PRR16: variants seen among roughly 807,000 people sequenced by gnomAD.
PRR16 encodes protein Largen.
A neutral mutation model predicts 18.2 loss-of-function variants in PRR16; 6 were observed. The observed-to-expected ratio is 0.33, with a 90% CI of 0.18 to 0.65. The LOEUF (loss-of-function observed/expected upper bound fraction) is 0.65. Ranked by LOEUF, PRR16 falls within the 30% of genes least tolerant of loss-of-function variation. PRR16 has a pLI of 0.74. For missense variants in PRR16, 412 were observed against 376.6 expected, an observed-to-expected ratio of 1.09 and a Z score of -0.78; for synonymous variants, 151 against 147.8, an observed-to-expected ratio of 1.02 and a Z score of -0.16.
intron 1 of PRR16, among the ~76,000 whole-genome samples, chr5:120,543,334 T>G (rs1232913761): frequency 6.6e-6 from 1 of 152,160 alleles, no homozygotes; most frequent in Non-Finnish European, 1.5e-5. Flanking sequence ...TGGGGTTATT[T>G]TCTTCCTTAA....
the PRR16 span, among the ~76,000 whole-genome samples, chr5:120,754,151 TA>T: frequency 2.9e-5 from 1 of 34,770 alleles, no homozygotes; most frequent in Non-Finnish European, 5.4e-5. Flanking sequence ...ATATAATATA[TA>T]AATATGATAT....
rs149291765 is a variant in PRR16 at position 120,567,031 on chromosome 5, A to G, written c.159+102386A>G. On this transcript the variant is annotated intron_variant, in intron 1 of 1. Transcript: ENST00000407149. ...CACAGTTTCAAACTAACAGTTTTTC[A>G]GCAGTTTGTCTTGGGCCCTTCATGT... 1.7e-3 allele frequency among the ~76,000 whole-genome samples: 260 copies of G among 152,152 alleles called. 1 individual carries two copies. The highest frequency in any genetic ancestry group is 5.8e-3 in the African/African-American group (240 of 41,506).
chr5:120,716,836 C>T, the PRR16 span, among the ~76,000 whole-genome samples: 4 of 152,118 alleles, frequency 2.6e-5, no homozygotes, highest in African/African-American at 9.7e-5. Context: ...TGCATCACTG[C>T]ACTCCAACCT....
chr5:120,632,119 G>A (rs1334569897), intron 1 of PRR16, among the ~76,000 whole-genome samples: 2 of 152,126 alleles, frequency 1.3e-5, no homozygotes, highest in Non-Finnish European at 2.9e-5. Context: ...TGGATGGCTA[G>A]GCCCAGAAGA....
chr5:120,756,959 C>G, the PRR16 span, among the ~76,000 whole-genome samples: 22,484 of 151,980 alleles, frequency 0.15, 1,845 homozygotes, highest in East Asian at 0.34. Context: ...TTTAATCCTT[C>G]TTTAGTTAAT....
At chr5:120,505,088 A>T (rs1750597120) in intron 1 of PRR16, among the ~76,000 whole-genome samples, 1 of 152,106 alleles carries the variant, frequency 6.6e-6, no homozygotes, top group Non-Finnish European at 1.5e-5. Context: ...CTAAAAAAGA[A>T]TTTCATGTGA....
intron 1 of PRR16, among the ~76,000 whole-genome samples, chr5:120,538,074 C>A (rs1341157909): frequency 6.6e-6 from 1 of 152,092 alleles, no homozygotes; most frequent in Non-Finnish European, 1.5e-5. Flanking sequence ...CCGCGCCCGG[C>A]CGTTGTTTAT....
At chr5:120,570,333 G>A (rs1447156912) in intron 1 of PRR16, among the ~76,000 whole-genome samples, 1 of 151,900 alleles carries the variant, frequency 6.6e-6, no homozygotes, top group Non-Finnish European at 1.5e-5. Flanking sequence ...AGAATGAAGG[G>A]AATTTATCAA....
chr5:120,772,054 G>A, the PRR16 span, among the ~76,000 whole-genome samples: 3 of 151,898 alleles, frequency 2.0e-5, no homozygotes, highest in African/African-American at 7.3e-5. Flanking sequence ...AAATAATCAT[G>A]TATTAATTCA....
intron 1 of PRR16, among the ~76,000 whole-genome samples, chr5:120,612,829 T>A (rs1754378200): frequency 6.6e-6 from 1 of 152,336 alleles, no homozygotes; most frequent in African/African-American, 2.4e-5. Flanking sequence ...TAGTGAAATA[T>A]GTATATAATA....
rs561750547 is a variant in PRR16, at chr5:120,586,110, T to A, written c.160-99844T>A. Among the ~76,000 whole-genome samples, 20 of 148,420 alleles carry A rather than the reference T, an allele frequency of 1.3e-4. No individual in the cohort carries two copies. In the East Asian group the frequency reaches 3.6e-3, roughly 27 times the overall value. On this transcript the variant is annotated intron_variant, in intron 1 of 1. Coordinates refer to ENST00000407149, the MANE Select transcript of PRR16 (RefSeq NM_001300783.2). ...ATCATGTGAACCAGGGAGGTGGAGG[T>A]TGCAGTGAGCTGAGATTGTGCCACT...
At chr5:120,623,052 A>G (rs984836574) in intron 1 of PRR16, among the ~76,000 whole-genome samples, 1 of 152,140 alleles carries the variant, frequency 6.6e-6, no homozygotes, top group Admixed American at 6.6e-5. Flanking sequence ...AAAGTAATGT[A>G]TTGACTTCAG....
At chr5:120,704,983 TC>T in the PRR16 span, among the ~76,000 whole-genome samples, 1 of 152,068 alleles carries the variant, frequency 6.6e-6, no homozygotes, top group Admixed American at 6.6e-5. Context: ...GAGCTAGAGA[TC>T]CATTTAAGAT....
the PRR16 span, among the ~76,000 whole-genome samples, chr5:120,785,977 T>TA: frequency 0.25 from 37,424 of 148,484 alleles, 5,123 homozygotes; most frequent in Non-Finnish European, 0.31. Context: ...AGTCATTCTT[T>TA]AAAAAAAAAA....
intron 1 of PRR16, among the ~76,000 whole-genome samples, chr5:120,495,164 A>G (rs1043021037): frequency 6.6e-6 from 1 of 152,140 alleles, no homozygotes; most frequent in African/African-American, 2.4e-5. Context: ...TTCGAGCATA[A>G]TTAAAAACTT....
intron 1 of PRR16, among the ~76,000 whole-genome samples, chr5:120,491,698 C>G (rs1220492903): frequency 6.6e-6 from 1 of 152,002 alleles, no homozygotes; most frequent in Non-Finnish European, 1.5e-5. Flanking sequence ...CACCCGCCAC[C>G]ACACCCATCT....
At chr5:120,485,125 T>A (rs1286220586) in intron 1 of PRR16, among the ~76,000 whole-genome samples, 1 of 152,094 alleles carries the variant, frequency 6.6e-6, no homozygotes, top group Non-Finnish European at 1.5e-5. Context: ...GCATTTTAAA[T>A]GAGCAGTTAA....
intron 1 of PRR16, among the ~76,000 whole-genome samples, chr5:120,645,553 A>C (rs1222459875): frequency 6.6e-6 from 1 of 152,122 alleles, no homozygotes; most frequent in Non-Finnish European, 1.5e-5. Flanking sequence ...TCCCCATTTC[A>C]GAGTGTTTAT....
At chr5:120,579,832 A>G (rs950858866) in intron 1 of PRR16, among the ~76,000 whole-genome samples, 1 of 152,180 alleles carries the variant, frequency 6.6e-6, no homozygotes, top group Non-Finnish European at 1.5e-5. Flanking sequence ...CAGTATGGCC[A>G]TTTTCACAGT....
Sources: allele counts gnomAD v4.1 joint callset (sites outside exome capture counted in the v4.1 genomes callset), GRCh38; gene constraint gnomAD v4.1.1; transcripts MANE v1.5; gene names NCBI Gene and HGNC (gene_info 2026-07-23, HGNC 2026-07-21).